The following FMN2 variants were observed in gnomAD, a reference collection of about 807,000 sequenced individuals.
FMN2 encodes the protein formin 2, also known as formin-2.
Under a neutral mutation model 142.3 loss-of-function variants are expected in FMN2, and 51 were observed. That is an observed-to-expected ratio of 0.36 (90% CI 0.29 to 0.45). The LOEUF (loss-of-function observed/expected upper bound fraction) is 0.45. Among genes scored for constraint, FMN2 ranks in the 20% least tolerant of loss-of-function variants. FMN2 has a pLI of 1.00. For missense variants in FMN2, 1,936 were observed against 2,122.8 expected (o/e 0.91, Z 1.73); for synonymous variants, 882 against 869.8 (o/e 1.01, Z -0.25).
At chr1:240,160,320 G>A (rs1397558886) in intron 2 of FMN2, among the ~76,000 whole-genome samples, 4 of 151,314 alleles carry the variant, frequency 2.6e-5, no homozygotes, top group Non-Finnish European at 5.9e-5. Context: ...ATTTAATCCA[G>A]CAATGTATAT....
chr1:240,153,448 C>G (rs1425276405), intron 2 of FMN2, among the ~76,000 whole-genome samples: 1 of 139,560 alleles, frequency 7.2e-6, no homozygotes. Context: ...GCAGCCTTAA[C>G]CTCCTGGGCT....
chr1:240,361,136 T>TAAATAAATAA (rs1558452443), intron 14 of FMN2, among the ~76,000 whole-genome samples: 3 of 19,592 alleles, frequency 1.5e-4, no homozygotes, highest in African/African-American at 1.4e-3. Context: ...TAAATAAATA[T>TAAATAAATAA]ATGTGTATAT....
intron 15 of FMN2, among the ~76,000 whole-genome samples, chr1:240,418,225 AG>A (rs1454854074): frequency 2.1e-5 from 3 of 140,762 alleles, no homozygotes; most frequent in African/African-American, 8.0e-5. Context: ...TTTGAGATGG[AG>A]TCTCACTCTG....
At chr1:240,465,458 G>T (rs138988181) in intron 16 of FMN2, among the ~76,000 whole-genome samples, 10 of 151,796 alleles carry the variant, frequency 6.6e-5, no homozygotes, top group African/African-American at 2.4e-4. Context: ...AGACCTGATG[G>T]TGTTATGTTT....
intron 1 of FMN2, among the ~76,000 whole-genome samples, chr1:240,119,393 G>T (rs999891927): frequency 3.3e-5 from 5 of 151,900 alleles, no homozygotes; most frequent in African/African-American, 4.8e-5. Context: ...TCAAGGGAAA[G>T]CCTAGTTATC....
At chr1:240,283,176 A>C (rs1669475555) in intron 7 of FMN2, among the ~76,000 whole-genome samples, 1 of 152,174 alleles carries the variant, frequency 6.6e-6, no homozygotes, top group South Asian at 2.1e-4. Flanking sequence ...TCTTCTCAGC[A>C]GATTAATTAG....
chr1:240,427,164 A>G (rs1362214794), intron 15 of FMN2, among the ~76,000 whole-genome samples: 1 of 130,600 alleles, frequency 7.7e-6, no homozygotes, highest in Non-Finnish European at 1.6e-5. Context: ...GTATGTTACA[A>G]CTGATTTTAT....
rs1200714761 is a variant in FMN2, at chr1:240,473,530, C to G, written c.5143-598C>G. ...CTAAAGGGAAAAGACATTAAAATAA[C>G]CCAAATTGGGATATGATTAAATAGC... On this transcript the variant is annotated intron_variant, in intron 17 of 17. Coordinates refer to ENST00000319653, the MANE Select transcript of FMN2 (RefSeq NM_020066.5). The surrounding 1 kb of genome is among the most constrained non-coding windows in gnomAD (Gnocchi z 4.3). Among the ~76,000 whole-genome samples, 1 of 152,022 alleles carries G rather than the reference C, an allele frequency of 6.6e-6. No homozygotes were observed. Among genetic ancestry groups the G allele is most frequent in the Non-Finnish European group, 1.5e-5 (1 of 67,996 alleles).
At chr1:240,114,960 C>T (rs1160034773) in intron 1 of FMN2, among the ~76,000 whole-genome samples, 1 of 152,052 alleles carries the variant, frequency 6.6e-6, no homozygotes, top group African/African-American at 2.4e-5. Flanking sequence ...CCGGCCAATT[C>T]TATCATTCCT....
chr1:240,417,608 T>G (rs1464269973), intron 15 of FMN2, among the ~76,000 whole-genome samples: 2 of 152,102 alleles, frequency 1.3e-5, no homozygotes, highest in Admixed American at 6.5e-5. Flanking sequence ...CATGGGAATT[T>G]CTTTCTCATT....
At chr1:240,355,951 CAAAAAAAAAAAAAAAAAAAAAA>C (rs58002724) in intron 14 of FMN2, 43 bp downstream of exon 14, 3,556 of 251,278 alleles carry the variant, frequency 0.014, 4 homozygotes, top group South Asian at 0.024. Context: ...CCCCTTTCAG[CAAAAAAAAAAAAAAAAAAAAAA>C]AAAAAAAAAA....
intron 15 of FMN2, among the ~76,000 whole-genome samples, chr1:240,436,126 C>G (rs1339525544): frequency 6.6e-6 from 1 of 152,188 alleles, no homozygotes; most frequent in Non-Finnish European, 1.5e-5. Flanking sequence ...CTGATGCCAT[C>G]AACACATTCC....
intron 4 of FMN2, among the ~76,000 whole-genome samples, chr1:240,205,456 C>CTTTTT (rs36115091): frequency 5.7e-4 from 56 of 97,488 alleles, no homozygotes; most frequent in African/African-American, 7.4e-4. Flanking sequence ...ATGCTCTTTC[C>CTTTTT]TTTTTTTTTT....
chr1:240,449,899 T>C (rs1675947227), intron 16 of FMN2, among the ~76,000 whole-genome samples: 1 of 152,140 alleles, frequency 6.6e-6, no homozygotes, highest in African/African-American at 2.4e-5. Flanking sequence ...CATTAACTTT[T>C]TGCGGTAAGA....
Position 240,329,467 on chromosome 1 carries a change from A to G in FMN2, c.4436A>G (p.Glu1479Gly). 6.2e-7 allele frequency: 1 copy of G among 1,613,594 alleles called. No homozygotes were observed. Among genetic ancestry groups the G allele is most frequent in the South Asian group, 1.1e-5 (1 of 90,950 alleles). Reference protein sequence around the residue: ...RKLELLQKLCETLKNGPGVMQ... With the variant: ...RKLELLQKLCGTLKNGPGVMQ... ...CTGGAATTACTACAGAAATTGTGTGAGGTGAGTTCTGGTCCAAAGAGAGCT... is the reference window on the plus strand; with the variant it reads ...CTGGAATTACTACAGAAATTGTGTGGGGTGAGTTCTGGTCCAAAGAGAGCT... The change falls in exon 10 of 18, where the codon GAG becomes GGG. Residue 1479 changes from glutamate (E) to glycine (G), a missense_variant and splice_region_variant. Around this residue, in one of 8 missense-constraint regions of FMN2, gnomAD observed 322 missense variants for 401.6 expected, o/e 0.80. Transcript: ENST00000319653.
chr1:240,185,509 CAG>C (rs1478865863), intron 3 of FMN2, among the ~76,000 whole-genome samples: 1 of 152,160 alleles, frequency 6.6e-6, no homozygotes, highest in Non-Finnish European at 1.5e-5. Context: ...TTGAATTAGA[CAG>C]AGAGGAGCTG....
At chr1:240,113,973 T>C (rs1228540817) in intron 1 of FMN2, among the ~76,000 whole-genome samples, 2 of 152,194 alleles carry the variant, frequency 1.3e-5, no homozygotes, top group Non-Finnish European at 2.9e-5. Context: ...AAGTAAATGT[T>C]TTTAATAGTG....
chr1:240,159,970 T>TACACAC (rs1221510945), intron 2 of FMN2, among the ~76,000 whole-genome samples: 187 of 113,914 alleles, frequency 1.6e-3, no homozygotes, highest in African/African-American at 6.0e-3. Context: ...TGTATATATA[T>TACACAC]ATATACACAC....
chr1:240,304,848 G>A (rs935581773), intron 8 of FMN2, among the ~76,000 whole-genome samples: 1 of 152,202 alleles, frequency 6.6e-6, no homozygotes, highest in Non-Finnish European at 1.5e-5. Flanking sequence ...GTGGGGGATA[G>A]GTAGCTGCTG....
Sources: gnomAD v4.1 joint callset for allele counts (sites outside exome capture counted in the v4.1 genomes callset) on GRCh38, gnomAD v4.1.1 for gene constraint, gnomAD v4.1.1 regional missense constraint, Gnocchi (gnomAD v3.1) non-coding constraint, MANE v1.5 for transcripts, NCBI Gene and HGNC (gene_info 2026-07-23, HGNC 2026-07-21) for gene names.